Variants in SEMA6D observed in about 807,000 individuals in gnomAD.
SEMA6D encodes the protein semaphorin 6D.
Under a neutral mutation model 106.6 loss-of-function variants are expected in SEMA6D, and 35 were observed. The observed-to-expected ratio is 0.33, with a 90% confidence interval of 0.25 to 0.44. The LOEUF (loss-of-function observed/expected upper bound fraction) is 0.44, where lower values mean the gene tolerates loss of function less well. Ranked by LOEUF, SEMA6D falls within the 20% of genes least tolerant of loss-of-function variation. The pLI is 1.00. For synonymous variants in SEMA6D, 499 were observed against 487.7 expected (o/e 1.02, Z -0.31); for missense variants, 1,185 against 1,345.9 (o/e 0.88, Z 1.87).
At chr15:47,576,839 C>T (rs1462192049) in intron 3 of SEMA6D, among the ~76,000 whole-genome samples, 1 of 152,184 alleles carries the variant, frequency 6.6e-6, no homozygotes, top group Non-Finnish European at 1.5e-5. Context: ...CAAAATGAGC[C>T]TTACGCGGCT....
intron 1 of SEMA6D, among the ~76,000 whole-genome samples, chr15:47,310,666 C>T (rs541036693): frequency 7.2e-5 from 11 of 151,932 alleles, no homozygotes; most frequent in Non-Finnish European, 1.3e-4. Context: ...ATTTTTGTCT[C>T]GCTTAATTCT....
intron 3 of SEMA6D, among the ~76,000 whole-genome samples, chr15:47,555,756 A>G (rs2142532127): frequency 1.3e-5 from 2 of 152,298 alleles, no homozygotes; most frequent in Middle Eastern, 3.4e-3. Flanking sequence ...TGCAAGGTCT[A>G]CTCTAAACTA....
chr15:47,730,517 G>T, intron 1 of SEMA6D: 1 of 1,284,176 alleles, frequency 7.8e-7, no homozygotes, highest in Non-Finnish European at 1.1e-6. Context: ...GGTGGTGACG[G>T]TGTCAACTCC....
At chr15:47,188,190 G>A (rs1356209800) in intron 1 of SEMA6D, among the ~76,000 whole-genome samples, 1 of 152,030 alleles carries the variant, frequency 6.6e-6, no homozygotes, top group Non-Finnish European at 1.5e-5. Context: ...CTTATTAAAT[G>A]TTTACTAAGA....
chr15:47,723,533 A>AT (rs1209981000), intron 1 of SEMA6D, among the ~76,000 whole-genome samples: 1 of 152,220 alleles, frequency 6.6e-6, no homozygotes, highest in Non-Finnish European at 1.5e-5. Context: ...CTGTTCAAGC[A>AT]TTAGTGGCAC....
At chr15:47,239,091 A>G (rs780554716) in intron 1 of SEMA6D, among the ~76,000 whole-genome samples, 6 of 152,124 alleles carry the variant, frequency 3.9e-5, no homozygotes, top group African/African-American at 7.2e-5. Context: ...TGCTCACATT[A>G]CTGCCTGAGC....
intron 1 of SEMA6D, among the ~76,000 whole-genome samples, chr15:47,409,765 T>C (rs2040721051): frequency 6.6e-6 from 1 of 152,004 alleles, no homozygotes; most frequent in Non-Finnish European, 1.5e-5. Context: ...GTCCAAAGGC[T>C]CTTAATCTGT....
At chr15:47,615,131 T>C (rs1380459980) in intron 4 of SEMA6D, among the ~76,000 whole-genome samples, 2 of 152,136 alleles carry the variant, frequency 1.3e-5, no homozygotes, top group African/African-American at 2.4e-5. Context: ...ACACAAATTA[T>C]GTATGATTCG....
chr15:47,339,590 C>T lies in SEMA6D; in HGVS notation c.-238-72803C>T, dbSNP rs7164034. ...AAAATGCTATAAAGAAAAATTGGGCCGGGTGCAATGGCTCAAGCCTGTAAT... is the reference window on the plus strand; with the variant it reads ...AAAATGCTATAAAGAAAAATTGGGCTGGGTGCAATGGCTCAAGCCTGTAAT... On this transcript the variant is annotated intron_variant, in intron 1 of 19. Transcript: ENST00000558014. Among the ~76,000 whole-genome samples the T allele has an allele frequency of 5.8e-3, 877 of 152,188 alleles. 5 individuals are homozygous for T. Among genetic ancestry groups the T allele is most frequent in the East Asian group, 0.039 (200 of 5,160 alleles).
At chr15:47,339,827 A>G (rs1193495864) in intron 1 of SEMA6D, among the ~76,000 whole-genome samples, 1 of 152,022 alleles carries the variant, frequency 6.6e-6, no homozygotes, top group African/African-American at 2.4e-5. Flanking sequence ...ATGAACTCCA[A>G]CTTGGGCGAC....
chr15:47,453,380 T>A (rs553349989), intron 2 of SEMA6D, among the ~76,000 whole-genome samples: 1 of 151,850 alleles, frequency 6.6e-6, no homozygotes, highest in East Asian at 1.9e-4. Flanking sequence ...AAATCAACAA[T>A]GCTAAACCTC....
chr15:47,524,998 G>A (rs1004144027), intron 3 of SEMA6D, among the ~76,000 whole-genome samples: 2 of 152,150 alleles, frequency 1.3e-5, no homozygotes, highest in African/African-American at 2.4e-5. Flanking sequence ...AGGGACTGGC[G>A]AGGTAGGAAA....
intron 1 of SEMA6D, among the ~76,000 whole-genome samples, chr15:47,383,132 C>T (rs1317136253): frequency 6.6e-6 from 1 of 152,194 alleles, no homozygotes; most frequent in African/African-American, 2.4e-5. Flanking sequence ...GACAATATCT[C>T]AGCCATCTGG....
intron 4 of SEMA6D, among the ~76,000 whole-genome samples, chr15:47,613,773 C>T (rs2076955853): frequency 6.6e-6 from 1 of 152,026 alleles, no homozygotes; most frequent in South Asian, 2.1e-4. Flanking sequence ...CCTGCCTCAG[C>T]CTCTCCAAGT....
chr15:47,701,674 A>G lies in SEMA6D; in HGVS notation c.-54-58071A>G, dbSNP rs115561106. Among the ~76,000 whole-genome samples the G allele has an allele frequency of 4.6e-3, 702 of 152,312 alleles. 3 individuals carry two copies. Among genetic ancestry groups the G allele is most frequent in the African/African-American group, 0.015 (642 of 41,564 alleles). ...TATAAATAAAGTTAAAATTAAAAAG[A>G]CTTTTGTTCCAGAAAGAAGGTGAAA... On this transcript the variant is annotated intron_variant, in intron 4 of 19. Coordinates refer to the SEMA6D transcript ENST00000558014.
intron 1 of SEMA6D, among the ~76,000 whole-genome samples, chr15:47,360,657 G>T (rs954933084): frequency 1.3e-5 from 2 of 152,162 alleles, no homozygotes; most frequent in Non-Finnish European, 2.9e-5. Context: ...TGAACATGCA[G>T]ATTTACACAA....
At chr15:47,217,650 C>T (rs1209014915) in intron 1 of SEMA6D, among the ~76,000 whole-genome samples, 5 of 150,530 alleles carry the variant, frequency 3.3e-5, no homozygotes, top group Non-Finnish European at 5.9e-5. Flanking sequence ...AAAATACAGA[C>T]AAAATTATAG....
chr15:47,466,290 C>A (rs2042656013), intron 2 of SEMA6D, among the ~76,000 whole-genome samples: 1 of 152,030 alleles, frequency 6.6e-6, no homozygotes, highest in Non-Finnish European at 1.5e-5. Flanking sequence ...AAATTTTGTA[C>A]CCTTTGACAA....
At chr15:47,185,061 C>G (rs1038387626) in intron 1 of SEMA6D, among the ~76,000 whole-genome samples, 2 of 151,958 alleles carry the variant, frequency 1.3e-5, no homozygotes, top group East Asian at 2.0e-4. Flanking sequence ...AGCGGGCTTG[C>G]GCGCGGCCGG....
Sources: allele counts gnomAD v4.1 joint callset (sites outside exome capture counted in the v4.1 genomes callset), GRCh38; gene constraint gnomAD v4.1.1; transcripts MANE v1.5; gene names NCBI Gene and HGNC (gene_info 2026-07-23, HGNC 2026-07-21).